The following SLC6A6 variants were observed in gnomAD, a reference collection of about 807,000 sequenced individuals.
SLC6A6 encodes solute carrier family 6 member 6.
Under a neutral mutation model 68.8 loss-of-function variants are expected in SLC6A6, and 16 were observed. The observed-to-expected ratio is 0.23, with a 90% CI of 0.16 to 0.35. The LOEUF (loss-of-function observed/expected upper bound fraction) is 0.35. SLC6A6 is among the 10% of genes least tolerant of loss of function. The pLI is 1.00. For missense variants in SLC6A6, 474 were observed against 802.8 expected (o/e 0.59, Z 4.95); for synonymous variants, 312 against 315.4 (o/e 0.99, Z 0.12).
chr3:14,483,699 C>CA (rs889098823), intron 14 of SLC6A6, among the ~76,000 whole-genome samples: 42 of 151,734 alleles, frequency 2.8e-4, no homozygotes, highest in African/African-American at 2.4e-4. Context: ...GATTTAAAAA[C>CA]AAAAAAAATA....
At chr3:14,418,526 T>G (rs1475348649) in intron 2 of SLC6A6, among the ~76,000 whole-genome samples, 2 of 152,188 alleles carry the variant, frequency 1.3e-5, no homozygotes, top group African/African-American at 4.8e-5. Flanking sequence ...GGTGACCTAC[T>G]CGACGTCAGC....
chr3:14,405,220 T>C (rs1699080086), intron 1 of SLC6A6, among the ~76,000 whole-genome samples: 1 of 152,156 alleles, frequency 6.6e-6, no homozygotes, highest in Non-Finnish European at 1.5e-5. Flanking sequence ...TGCACCTTGC[T>C]TCTGTCCCTA....
chr3:14,419,096 A>G (rs1378726911), intron 2 of SLC6A6, among the ~76,000 whole-genome samples: 4 of 152,180 alleles, frequency 2.6e-5, no homozygotes, highest in African/African-American at 9.7e-5. Flanking sequence ...CAGTAAACAG[A>G]GGTTGCCAAT....
chr3:14,409,073 G>A (rs1394587306), intron 1 of SLC6A6, among the ~76,000 whole-genome samples: 1 of 152,230 alleles, frequency 6.6e-6, no homozygotes, highest in African/African-American at 2.4e-5. Context: ...CTCCCAAAGT[G>A]CTGGGATTAC....
chr3:14,463,312 G>A (rs1170477394), intron 6 of SLC6A6, among the ~76,000 whole-genome samples: 4 of 152,230 alleles, frequency 2.6e-5, no homozygotes, highest in Non-Finnish European at 5.9e-5. Context: ...AGTTGTCTGA[G>A]GATTAAATGA....
chr3:14,418,527 C>T (rs910785197), intron 2 of SLC6A6, among the ~76,000 whole-genome samples: 10 of 152,148 alleles, frequency 6.6e-5, no homozygotes, highest in East Asian at 3.8e-4. Flanking sequence ...GTGACCTACT[C>T]GACGTCAGCC....
At position 14,467,699 on chromosome 3, in the gene SLC6A6, A is replaced by G. The variant is rs890590005; in HGVS notation, c.868-154A>G. Among the ~76,000 whole-genome samples, 8 of 152,274 alleles carry G rather than the reference A, an allele frequency of 5.3e-5. No homozygotes were observed. The East Asian group carries it at 1.4e-3, about 26-fold the overall frequency. On this transcript the variant is annotated intron_variant, in intron 7 of 14. Coordinates refer to ENST00000622186, the MANE Select transcript of SLC6A6 (RefSeq NM_003043.6). ...CCTTGCAGCTCAGTACTGCCTTGAA[A>G]GGCACCTTGGATTCGAGCATAAATG...
intron 5 of SLC6A6, chr3:14,448,297 A>C (rs1490136792): frequency 5.6e-6 from 1 of 178,248 alleles, no homozygotes; most frequent in Non-Finnish European, 1.2e-5. Context: ...TGGCGGCCTT[A>C]AACAACAACA....
chr3:14,426,410 C>T (rs1483828795), intron 2 of SLC6A6, among the ~76,000 whole-genome samples: 1 of 152,232 alleles, frequency 6.6e-6, no homozygotes, highest in African/African-American at 2.4e-5. Context: ...ACTGCACATG[C>T]AAGCCTGCAG....
chr3:14,412,661 C>G (rs190067212), intron 1 of SLC6A6, among the ~76,000 whole-genome samples: 7 of 152,344 alleles, frequency 4.6e-5, no homozygotes, highest in South Asian at 2.1e-4. Flanking sequence ...GACAGCAGGC[C>G]TAAGTGGGGC....
intron 5 of SLC6A6, 117 bp from the exon 6 acceptor site, chr3:14,457,833 T>C (rs1700403490): frequency 5.6e-6 from 5 of 900,360 alleles, no homozygotes; most frequent in Non-Finnish European, 7.0e-6. Context: ...AGGTGACTTA[T>C]GTAAATGCAG....
chr3:14,416,485 G>A (rs1256698832), intron 2 of SLC6A6, 32 bp downstream of exon 2: 1 of 398,568 alleles, frequency 2.5e-6, no homozygotes, highest in Non-Finnish European at 4.4e-6. Context: ...GGTGGGATGG[G>A]TGTCTCACAC....
chr3:14,462,145 G>A lies in SLC6A6; in HGVS notation c.732+4063G>A, dbSNP rs897035834. ...CCCTGGCAGCAGCTAGCACCAGCCT[G>A]TCCCTTGGGGATCCCGGGGGAGCCA... On this transcript the variant is annotated intron_variant, in intron 6 of 14. Transcript: ENST00000622186. 3.9e-5 allele frequency among the ~76,000 whole-genome samples: 6 copies of A among 152,356 alleles called. No individual in the cohort carries two copies. In the East Asian group the frequency reaches 5.8e-4, roughly 15 times the overall value.
rs1201536915 is a variant in SLC6A6, at chr3:14,468,261, T to C, written c.1096+49T>C. 1 of 1,573,848 alleles carries C rather than the reference T, an allele frequency of 6.4e-7. No homozygotes were observed. Among genetic ancestry groups the C allele is most frequent in the Non-Finnish European group, 8.6e-7 (1 of 1,156,384 alleles). On this transcript the variant is annotated intron_variant, in intron 9 of 14. Transcript: ENST00000622186. The surrounding 1 kb of genome is among the most constrained non-coding windows in gnomAD (Gnocchi z 4.5). ...GTGGTGGGCACTGCCACCTAGTGTGTAAGCCAAGTACTGCAGGCATGAAGC... is the reference window on the plus strand; with the variant it reads ...GTGGTGGGCACTGCCACCTAGTGTGCAAGCCAAGTACTGCAGGCATGAAGC...
chr3:14,409,087 C>T (rs533786746), intron 1 of SLC6A6, among the ~76,000 whole-genome samples: 18 of 152,326 alleles, frequency 1.2e-4, no homozygotes, highest in Middle Eastern at 3.4e-3. Context: ...GGATTACTGG[C>T]GTGAGCCACC....
chr3:14,411,335 A>G (rs1699248266), intron 1 of SLC6A6: 1 of 152,422 alleles, frequency 6.6e-6, no homozygotes, highest in Non-Finnish European at 1.5e-5. Context: ...AGCCCTGCCC[A>G]TGCTGGTCCC....
intron 13 of SLC6A6, among the ~76,000 whole-genome samples, chr3:14,479,539 C>T (rs1043362691): frequency 6.6e-6 from 1 of 151,900 alleles, no homozygotes; most frequent in Admixed American, 6.6e-5. Context: ...CCTTCCAGAG[C>T]GCATGAGCTC....
Position 14,460,525 on chromosome 3 carries a change from T to C in SLC6A6, c.732+2443T>C, listed in dbSNP as rs2124970724. ...GAAGTGACAGCCTGTGCAAAGGCCC[T>C]GAGGTGTGTTTGACCCAGACCCTTG... is the stretch of plus-strand genomic sequence containing the variant. On this transcript the variant is annotated intron_variant, in intron 6 of 14. Coordinates refer to ENST00000622186, the MANE Select transcript of SLC6A6 (RefSeq NM_003043.6). Among the ~76,000 whole-genome samples, 3 of 152,262 alleles carry C rather than the reference T, an allele frequency of 2.0e-5. No individual in the cohort carries two copies. In the Middle Eastern group the frequency reaches 0.01, roughly 518 times the overall value.
At chr3:14,403,077 A>AGTGTGTGTGTGTGTGTGT (rs34547966) in intron 1 of SLC6A6, among the ~76,000 whole-genome samples, 2 of 143,324 alleles carry the variant, frequency 1.4e-5, no homozygotes, top group African/African-American at 5.2e-5. Context: ...GCGGCAGGAG[A>AGTGTGTGTGTGTGTGTGT]GTGTGTGTGT....
Sources: gnomAD v4.1 joint callset for allele counts (sites outside exome capture counted in the v4.1 genomes callset) on GRCh38, gnomAD v4.1.1 for gene constraint, Gnocchi (gnomAD v3.1) non-coding constraint, MANE v1.5 for transcripts, NCBI Gene and HGNC (gene_info 2026-07-23, HGNC 2026-07-21) for gene names.